The following LRRTM4 variants were observed in gnomAD, a reference collection of about 807,000 sequenced individuals.
The protein encoded by LRRTM4 is leucine-rich repeat transmembrane neuronal protein 4.
Under a neutral mutation model 47.6 loss-of-function variants are expected in LRRTM4, and 25 were observed. The observed-to-expected ratio is 0.53, with a 90% CI of 0.38 to 0.73. LRRTM4 has a LOEUF of 0.73. Ranked by LOEUF, LRRTM4 falls within the 30% of genes least tolerant of loss-of-function variation. The probability of loss-of-function intolerance (pLI) is 0.00; values close to 1 mark genes in which losing one functional copy is unlikely to be tolerated. For missense variants in LRRTM4, 638 were observed against 713.4 expected (o/e 0.89, Z 1.20); for synonymous variants, 311 against 269.5 (o/e 1.15, Z -1.51).
chr2:76,909,084 C>T (rs1673955381), intron 3 of LRRTM4, among the ~76,000 whole-genome samples: 2 of 152,202 alleles, frequency 1.3e-5, no homozygotes, highest in South Asian at 2.1e-4. Context: ...CACTACCTGA[C>T]TTCAAACTAT....
At chr2:77,200,057 A>T (rs767977741) in intron 3 of LRRTM4, among the ~76,000 whole-genome samples, 21 of 152,044 alleles carry the variant, frequency 1.4e-4, no homozygotes, top group Admixed American at 2.6e-4. Context: ...CATGTGTTTT[A>T]GAACATTTAC....
At chr2:77,003,236 CT>C (rs777369090) in intron 3 of LRRTM4, among the ~76,000 whole-genome samples, 76 of 151,776 alleles carry the variant, frequency 5.0e-4, no homozygotes, top group African/African-American at 1.6e-3. Flanking sequence ...ATAATTTAAG[CT>C]TTTTTTATAA....
intron 2 of LRRTM4, 65 bp downstream of exon 2, chr2:77,521,603 C>G: frequency 6.3e-7 from 1 of 1,598,076 alleles, no homozygotes; most frequent in Admixed American, 1.7e-5. Flanking sequence ...GCTAATGCCA[C>G]GACTGAGGAT....
intron 3 of LRRTM4, among the ~76,000 whole-genome samples, chr2:77,419,966 G>T (rs1674807090): frequency 6.6e-6 from 1 of 152,192 alleles, no homozygotes; most frequent in African/African-American, 2.4e-5. Flanking sequence ...GTTTCTGAAG[G>T]TGGGAATCTG....
intron 3 of LRRTM4, among the ~76,000 whole-genome samples, chr2:76,827,568 C>T (rs1671223313): frequency 6.6e-6 from 1 of 151,798 alleles, no homozygotes; most frequent in African/African-American, 2.4e-5. Flanking sequence ...TATTTCATAG[C>T]ATTGAAACAT....
At chr2:76,806,504 C>G (rs1675974212) in intron 3 of LRRTM4, among the ~76,000 whole-genome samples, 1 of 152,064 alleles carries the variant, frequency 6.6e-6, no homozygotes, top group African/African-American at 2.4e-5. Context: ...TTTCTTGAAC[C>G]CAGCTGGCGG....
At chr2:76,827,238 G>A (rs974645135) in intron 3 of LRRTM4, among the ~76,000 whole-genome samples, 12 of 151,730 alleles carry the variant, frequency 7.9e-5, no homozygotes, top group Non-Finnish European at 1.5e-5. Flanking sequence ...TTGGTGTATG[G>A]TACAGCTCTG....
At chr2:77,226,662 AT>A (rs1309155655) in intron 3 of LRRTM4, among the ~76,000 whole-genome samples, 1 of 151,852 alleles carries the variant, frequency 6.6e-6, no homozygotes, top group Non-Finnish European at 1.5e-5. Flanking sequence ...AGTAAAATGT[AT>A]TTGTTGAGCT....
chr2:77,093,725 C>A (rs941044422), intron 3 of LRRTM4, among the ~76,000 whole-genome samples: 1 of 151,942 alleles, frequency 6.6e-6, no homozygotes, highest in Non-Finnish European at 1.5e-5. Flanking sequence ...CACATATACG[C>A]CCAGATGGCC....
At chr2:77,058,238 G>C (rs886097672) in intron 3 of LRRTM4, among the ~76,000 whole-genome samples, 2 of 152,048 alleles carry the variant, frequency 1.3e-5, no homozygotes, top group African/African-American at 4.8e-5. Context: ...TAGTTAGTGG[G>C]TATTTTTTTA....
chr2:76,876,089 T>C (rs1672771420), intron 3 of LRRTM4, among the ~76,000 whole-genome samples: 1 of 152,090 alleles, frequency 6.6e-6, no homozygotes, highest in Non-Finnish European at 1.5e-5. Flanking sequence ...CTAATTGGTG[T>C]TTTCCCTTGA....
At chr2:77,090,681 A>C (rs1572951177) in intron 3 of LRRTM4, among the ~76,000 whole-genome samples, 1 of 152,150 alleles carries the variant, frequency 6.6e-6, no homozygotes, top group East Asian at 1.9e-4. Flanking sequence ...CACCAGGCCA[A>C]GGAATGTCTG....
chr2:77,441,733 A>G (rs932820721), intron 3 of LRRTM4, among the ~76,000 whole-genome samples: 29 of 152,288 alleles, frequency 1.9e-4, no homozygotes, highest in African/African-American at 7.0e-4. Flanking sequence ...TTTCTATCTT[A>G]TAGTTGTAGT....
chr2:77,394,082 T>C (rs13418596), intron 3 of LRRTM4, among the ~76,000 whole-genome samples: 1 of 151,936 alleles, frequency 6.6e-6, no homozygotes, highest in African/African-American at 2.4e-5. Context: ...CAGGAATCCC[T>C]CTGTATTGTA....
At chr2:76,877,809 A>T (rs976356082) in intron 3 of LRRTM4, among the ~76,000 whole-genome samples, 2 of 152,172 alleles carry the variant, frequency 1.3e-5, no homozygotes, top group Admixed American at 6.5e-5. Flanking sequence ...GGGATGAAAA[A>T]GTCAGAGGAA....
intron 3 of LRRTM4, among the ~76,000 whole-genome samples, chr2:76,822,200 A>C (rs937721718): frequency 1.3e-5 from 2 of 151,602 alleles, no homozygotes; most frequent in Admixed American, 6.6e-5. Context: ...TCAGTCATAT[A>C]AATTATGAAC....
intron 3 of LRRTM4, among the ~76,000 whole-genome samples, chr2:76,890,608 T>C (rs1019710776): frequency 1.3e-5 from 2 of 152,016 alleles, no homozygotes; most frequent in African/African-American, 2.4e-5. Context: ...AAATGGCTTT[T>C]ATATATATCA....
intron 3 of LRRTM4, among the ~76,000 whole-genome samples, chr2:77,070,170 A>G (rs1680103912): frequency 6.6e-6 from 1 of 152,076 alleles, no homozygotes; most frequent in South Asian, 2.1e-4. Context: ...GAAATCAGGG[A>G]ATGGGACTAT....
chr2:76,896,937 T>C (rs1673436664), intron 3 of LRRTM4, among the ~76,000 whole-genome samples: 1 of 151,358 alleles, frequency 6.6e-6, no homozygotes, highest in Non-Finnish European at 1.5e-5. Flanking sequence ...GTTATGAATG[T>C]TTGAAACAGG....
Sources: gnomAD v4.1 joint callset for allele counts (sites outside exome capture counted in the v4.1 genomes callset) on GRCh38, gnomAD v4.1.1 for gene constraint, MANE v1.5 for transcripts, NCBI Gene and HGNC (gene_info 2026-07-23, HGNC 2026-07-21) for gene names.